The following FRS2 variants were observed in gnomAD, a reference collection of about 807,000 sequenced individuals.
The protein encoded by FRS2 is FGFR signalling adaptor.
A neutral mutation model predicts 43.9 loss-of-function variants in FRS2; 8 were observed. The ratio of observed to expected loss-of-function variants is 0.18; its 90% CI spans 0.11 to 0.33. The LOEUF is 0.33. Among genes scored for constraint, FRS2 ranks in the 10% least tolerant of loss-of-function variants. FRS2 has a pLI of 1.00. For missense variants in FRS2, 534 were observed against 627.6 expected, an observed-to-expected ratio of 0.85 and a Z score of 1.59; for synonymous variants, 219 against 220.3, an observed-to-expected ratio of 0.99 and a Z score of 0.05.
intron 1 of FRS2, among the ~76,000 whole-genome samples, chr12:69,522,895 A>G (rs1226768382): frequency 1.3e-5 from 2 of 152,154 alleles, no homozygotes; most frequent in Non-Finnish European, 2.9e-5. Flanking sequence ...TAAGGTTTTG[A>G]GCAATTTTCT....
Position 69,575,118 on chromosome 12 carries a change from AG to A in FRS2, c.*165del, listed in dbSNP as rs1161555525. The A allele has an allele frequency of 7.6e-5, 45 of 589,056 alleles. No individual in the cohort carries two copies. The highest frequency in any genetic ancestry group is 6.5e-4 in the South Asian group (29 of 44,512). 36.5% of individuals were successfully genotyped at this position (589,056 alleles called of 1,614,324 possible). A position where few individuals can be genotyped will look rare whatever the true frequency, so the allele number is the denominator to read the frequency against. ...TAACTAAAGGGAATTAATGTAGAGC[AG>A]GTACTCCTTAAAGAACACTAATTTC... On this transcript the variant is annotated 3_prime_UTR_variant, in exon 9 of 9. Transcript: ENST00000549921.
At chr12:69,514,984 C>T (rs1874847903) in intron 1 of FRS2, among the ~76,000 whole-genome samples, 1 of 152,132 alleles carries the variant, frequency 6.6e-6, no homozygotes, top group Non-Finnish European at 1.5e-5. Context: ...ATGTGAAGCC[C>T]TCAATATGTG....
intron 3 of FRS2, among the ~76,000 whole-genome samples, chr12:69,558,483 G>T (rs936301156): frequency 1.3e-5 from 2 of 152,140 alleles, no homozygotes; most frequent in Admixed American, 6.5e-5. Context: ...ATTTTCCCAT[G>T]AACACCCTAC....
At chr12:69,549,185 C>T (rs1033791550) in intron 3 of FRS2, among the ~76,000 whole-genome samples, 4 of 152,068 alleles carry the variant, frequency 2.6e-5, no homozygotes, top group South Asian at 2.1e-4. Flanking sequence ...CATAAAATTT[C>T]GTGAAGTCTT....
intron 1 of FRS2, among the ~76,000 whole-genome samples, chr12:69,475,239 G>T (rs896402799): frequency 1.3e-5 from 2 of 152,160 alleles, no homozygotes; most frequent in Non-Finnish European, 2.9e-5. Context: ...GAGTTACCAT[G>T]GAAGTGTTTA....
chr12:69,575,359 G>A lies in FRS2; in HGVS notation c.*404G>A, dbSNP rs1425295827. 1.2e-5 allele frequency: 2 copies of A among 166,724 alleles called. No individual in the cohort carries two copies. The highest frequency in any genetic ancestry group is 3.6e-4 in the South Asian group (2 of 5,560). 10.3% of individuals were successfully genotyped at this position (166,724 alleles called of 1,614,324 possible). ...GGTAACTATAGGCTTTGAAAGTAAT[G>A]CTCGTAGATTCAGTGTTCACAGTAT... is the stretch of plus-strand genomic sequence containing the variant. On this transcript the variant is annotated 3_prime_UTR_variant, in exon 9 of 9. Transcript: ENST00000549921.
At chr12:69,570,067 C>T (rs1880617075) in intron 5 of FRS2, among the ~76,000 whole-genome samples, 2 of 152,188 alleles carry the variant, frequency 1.3e-5, no homozygotes, top group Admixed American at 6.5e-5. Flanking sequence ...ACACTTCCTG[C>T]CTTCTGCAGC....
At chr12:69,526,858 G>A (rs2135641480) in intron 1 of FRS2, among the ~76,000 whole-genome samples, 1 of 152,188 alleles carries the variant, frequency 6.6e-6, no homozygotes, top group Non-Finnish European at 1.5e-5. Flanking sequence ...TGAGTAGATG[G>A]GACTACAGGC....
intron 6 of FRS2, among the ~76,000 whole-genome samples, 171 bp from the exon 7 acceptor site, chr12:69,571,105 G>A (rs1414955650): frequency 6.6e-6 from 1 of 151,866 alleles, no homozygotes; most frequent in African/African-American, 2.4e-5. Context: ...TTTTGGCGGG[G>A]GTTTGTTTTG....
chr12:69,496,368 C>T (rs560541409), intron 1 of FRS2, among the ~76,000 whole-genome samples: 3 of 151,678 alleles, frequency 2.0e-5, no homozygotes, highest in Non-Finnish European at 4.4e-5. Context: ...ACCGGCGAGG[C>T]GGAGGTTGCA....
At chr12:69,536,952 G>T (rs1328195717) in intron 3 of FRS2, among the ~76,000 whole-genome samples, 1 of 152,016 alleles carries the variant, frequency 6.6e-6, no homozygotes. Context: ...CTTTTGTGTT[G>T]AGTTGGACAT....
At chr12:69,502,468 G>A (rs966500803) in intron 1 of FRS2, among the ~76,000 whole-genome samples, 3 of 151,622 alleles carry the variant, frequency 2.0e-5, no homozygotes, top group Non-Finnish European at 4.4e-5. Context: ...TCCGAGGCTC[G>A]AGCGGTCTTC....
At chr12:69,504,157 T>A (rs993810570) in intron 1 of FRS2, among the ~76,000 whole-genome samples, 1 of 152,000 alleles carries the variant, frequency 6.6e-6, no homozygotes, top group Non-Finnish European at 1.5e-5. Context: ...TTCCGATGAG[T>A]GAGACAAGCA....
rs1881162076 is a variant in FRS2 at position 69,575,935 on chromosome 12, T to G, written c.*980T>G. ...TTGTTTAGTTTGCATTTTTGTCAAA[T>G]TATGGTTTTGAAGGTTCATTTGGAA... On this transcript the variant is annotated 3_prime_UTR_variant, in exon 9 of 9. Transcript: ENST00000549921. 6.6e-6 allele frequency: 1 copy of G among 152,624 alleles called. No homozygotes were observed. Among genetic ancestry groups the G allele is most frequent in the Admixed American group, 6.5e-5 (1 of 15,280 alleles). 9.5% of individuals were successfully genotyped at this position (152,624 alleles called of 1,614,324 possible).
chr12:69,512,987 A>G (rs929259133), intron 1 of FRS2, among the ~76,000 whole-genome samples: 1 of 152,166 alleles, frequency 6.6e-6, no homozygotes, highest in Non-Finnish European at 1.5e-5. Context: ...TCTTAATGAC[A>G]TCATTCAGCT....
intron 1 of FRS2, among the ~76,000 whole-genome samples, chr12:69,521,902 C>T (rs1045898157): frequency 3.3e-5 from 5 of 152,196 alleles, no homozygotes; most frequent in African/African-American, 1.2e-4. Flanking sequence ...GCGTGAGCCA[C>T]CGCGCCCAGC....
At chr12:69,485,586 G>T (rs925695935) in intron 1 of FRS2, among the ~76,000 whole-genome samples, 1 of 151,642 alleles carries the variant, frequency 6.6e-6, no homozygotes, top group African/African-American at 2.4e-5. Context: ...AAGTTCAGGC[G>T]ATTTTCCTGC....
intron 3 of FRS2, among the ~76,000 whole-genome samples, chr12:69,533,079 T>C (rs565930885): frequency 3.3e-5 from 5 of 152,226 alleles, no homozygotes; most frequent in Admixed American, 6.5e-5. Context: ...ACTAATCTTA[T>C]ACTGCCACCC....
chr12:69,563,377 C>T (rs536258674), intron 4 of FRS2, among the ~76,000 whole-genome samples: 132 of 152,202 alleles, frequency 8.7e-4, no homozygotes, highest in Non-Finnish European at 1.5e-3. Flanking sequence ...CTCACTCATG[C>T]TAAGCCTGTT....
Sources: gnomAD v4.1 joint callset for allele counts (sites outside exome capture counted in the v4.1 genomes callset) on GRCh38, gnomAD v4.1.1 for gene constraint, MANE v1.5 for transcripts, NCBI Gene and HGNC (gene_info 2026-07-23, HGNC 2026-07-21) for gene names.